Variants in PTPRD observed in about 807,000 individuals in gnomAD.
PTPRD encodes protein tyrosine phosphatase receptor type D, also known as receptor-type tyrosine-protein phosphatase delta.
PTPRD carries 34 observed loss-of-function variants against 214.5 expected under a neutral mutation model. The observed-to-expected ratio is 0.16, with a 90% CI of 0.12 to 0.21. The LOEUF is 0.21. PTPRD is among the 10% of genes least tolerant of loss of function. PTPRD has a pLI of 1.00. For synonymous variants in PTPRD, 1,128 were observed against 845.7 expected (o/e 1.33, Z -5.79); for missense variants, 2,545 against 2,398.7 (o/e 1.06, Z -1.27).
At chr9:10,344,692 C>G (rs9886668) in intron 2 of PTPRD, among the ~76,000 whole-genome samples, 1 of 151,934 alleles carries the variant, frequency 6.6e-6, no homozygotes, top group African/African-American at 2.4e-5. Context: ...TTGTTTGTGC[C>G]CTCTTTTATT....
intron 11 of PTPRD, among the ~76,000 whole-genome samples, chr9:8,979,650 T>C (rs2099296302): frequency 6.6e-6 from 1 of 152,108 alleles, no homozygotes; most frequent in African/African-American, 2.4e-5. Context: ...TCAACATCAC[T>C]AATTATCAGG....
At chr9:9,709,765 T>A (rs2097691268) in intron 7 of PTPRD, among the ~76,000 whole-genome samples, 1 of 152,062 alleles carries the variant, frequency 6.6e-6, no homozygotes, top group South Asian at 2.1e-4. Context: ...ACCTAAGTAC[T>A]GTAATCACCA....
At chr9:9,696,538 T>C (rs1297555599) in intron 7 of PTPRD, among the ~76,000 whole-genome samples, 2 of 152,154 alleles carry the variant, frequency 1.3e-5, no homozygotes, top group African/African-American at 4.8e-5. Flanking sequence ...GGACTCATCC[T>C]TTTATCATTA....
chr9:9,192,865 C>A (rs2099936088), intron 9 of PTPRD, among the ~76,000 whole-genome samples: 2 of 152,022 alleles, frequency 1.3e-5, no homozygotes, highest in Admixed American at 6.6e-5. Context: ...TAAGCTGCAG[C>A]GTATGTTCCT....
chr9:10,240,951 TG>T (rs1372555042), intron 3 of PTPRD, among the ~76,000 whole-genome samples: 1 of 151,586 alleles, frequency 6.6e-6, no homozygotes, highest in Non-Finnish European at 1.5e-5. Flanking sequence ...AGAAGGCATT[TG>T]TAAAACACAT....
intron 10 of PTPRD, among the ~76,000 whole-genome samples, chr9:9,167,512 T>C (rs2099906568): frequency 6.6e-6 from 1 of 152,080 alleles, no homozygotes; most frequent in Non-Finnish European, 1.5e-5. Flanking sequence ...CTTAGTACTT[T>C]GGGAGACCGA....
intron 6 of PTPRD, among the ~76,000 whole-genome samples, chr9:9,742,333 G>A (rs546798019): frequency 4.6e-5 from 7 of 152,042 alleles, no homozygotes; most frequent in East Asian, 3.9e-4. Flanking sequence ...GTTCTTCAGC[G>A]CATTCCAAGA....
rs149476744 is a variant in PTPRD, at chr9:8,518,389, G to A, written c.1002C>T (p.Ser334=). ...KPPGTPVVTE[S]TATSITLTWD... ...ACGTCAGTGTGATGCTTGTAGCTGT[G>A]CTCTCGGTCACTACAGGAGTTCCTG... is the stretch of plus-strand genomic sequence containing the variant. The change falls in exon 21 of 46, where the codon AGC becomes AGT. Residue 334 remains serine, a synonymous_variant. Coordinates refer to ENST00000381196, the MANE Select transcript of PTPRD (RefSeq NM_002839.4). 6 of 1,613,436 alleles carry A rather than the reference G, an allele frequency of 3.7e-6. No homozygotes were observed. The African/African-American group carries it at 6.7e-5, about 18-fold the overall frequency.
intron 3 of PTPRD, among the ~76,000 whole-genome samples, chr9:10,146,699 G>A (rs2099024984): frequency 6.6e-6 from 1 of 152,106 alleles, no homozygotes; most frequent in Non-Finnish European, 1.5e-5. Context: ...AACACAAGAA[G>A]CCGACCGAGC....
intron 3 of PTPRD, among the ~76,000 whole-genome samples, chr9:10,119,742 T>C (rs2098760114): frequency 6.6e-6 from 1 of 151,958 alleles, no homozygotes; most frequent in Non-Finnish European, 1.5e-5. Context: ...TCGTCTTCTG[T>C]TAGAACAAAA....
In PTPRD at chr9:8,341,842, C is replaced by G. The variant is rs2132508909; in HGVS notation, c.4798G>C (p.Asp1600His). ...GCATCATGGATAAAGATGTATTGGT[C>G]TTCTGTTTGAACCATATAGTTCCTC... ...AQRNYMVQTE[D>H]QYIFIHDALL... is the part of the protein sequence containing the mutation. The change falls in exon 40 of 46, where the codon GAC (aspartate) becomes CAC (histidine). Residue 1600 changes from aspartate to histidine, a missense_variant. By Grantham distance (81) the Asp-to-His change is moderately conservative. Coordinates refer to ENST00000381196, the MANE Select transcript of PTPRD (RefSeq NM_002839.4). The G allele has an allele frequency of 1.9e-6, 3 of 1,613,494 alleles. No individual in the cohort carries two copies. Among genetic ancestry groups the G allele is most frequent in the Non-Finnish European group, 2.5e-6 (3 of 1,179,706 alleles).
chr9:8,522,413 T>C (rs1422865528), intron 19 of PTPRD, among the ~76,000 whole-genome samples: 1 of 152,142 alleles, frequency 6.6e-6, no homozygotes, highest in Admixed American at 6.6e-5. Context: ...GCTCAAGTTG[T>C]TAAAGGTAAG....
intron 6 of PTPRD, among the ~76,000 whole-genome samples, chr9:9,762,361 C>G (rs1020903097): frequency 6.6e-6 from 1 of 152,190 alleles, no homozygotes; most frequent in African/African-American, 2.4e-5. Flanking sequence ...TAGCTACACT[C>G]TTGGTGTTCT....
At chr9:10,036,386 T>C in intron 3 of PTPRD, among the ~76,000 whole-genome samples, 1 of 152,020 alleles carries the variant, frequency 6.6e-6, no homozygotes, top group Non-Finnish European at 1.5e-5. Flanking sequence ...CTTTTGCTTA[T>C]TAAGCATCAA....
At chr9:8,855,992 A>G (rs2097908257) in intron 11 of PTPRD, among the ~76,000 whole-genome samples, 1 of 152,228 alleles carries the variant, frequency 6.6e-6, no homozygotes, top group Non-Finnish European at 1.5e-5. Flanking sequence ...ATTGAAAAGC[A>G]AAGTACAGTA....
chr9:10,252,802 G>A (rs1254534717), intron 3 of PTPRD, among the ~76,000 whole-genome samples: 2 of 150,914 alleles, frequency 1.3e-5, no homozygotes, highest in Non-Finnish European at 3.0e-5. Flanking sequence ...TTTCTTTTTT[G>A]AGACAAACAC....
At chr9:8,360,102 C>T (rs556559061) in intron 39 of PTPRD, among the ~76,000 whole-genome samples, 11 of 152,044 alleles carry the variant, frequency 7.2e-5, no homozygotes, top group African/African-American at 1.7e-4. Flanking sequence ...GATAAAATGA[C>T]GAGATATAGT....
At chr9:9,639,382 A>G (rs2095866777) in intron 7 of PTPRD, among the ~76,000 whole-genome samples, 1 of 152,194 alleles carries the variant, frequency 6.6e-6, no homozygotes, top group Non-Finnish European at 1.5e-5. Flanking sequence ...TCCTTGGGAT[A>G]TTCATTGTTT....
intron 5 of PTPRD, among the ~76,000 whole-genome samples, chr9:9,880,619 C>T (rs1230145554): frequency 6.6e-6 from 1 of 151,994 alleles, no homozygotes; most frequent in East Asian, 1.9e-4. Context: ...TAATTTGTTT[C>T]TTTGGGACTC....
Sources: allele counts gnomAD v4.1 joint callset (sites outside exome capture counted in the v4.1 genomes callset), GRCh38; gene constraint gnomAD v4.1.1; transcripts MANE v1.5; gene names NCBI Gene and HGNC (gene_info 2026-07-23, HGNC 2026-07-21).